PCDHGA8: variants seen among roughly 807,000 people sequenced by gnomAD.
The protein encoded by PCDHGA8 is protocadherin gamma-A8.
In PCDHGA8, 45 loss-of-function variants were observed where a neutral mutation model predicts 59.2. The ratio of observed to expected loss-of-function variants is 0.76; its 90% confidence interval spans 0.60 to 0.98. The LOEUF is 0.98. Among genes scored for constraint, PCDHGA8 ranks in the 50% least tolerant of loss-of-function variants. The pLI is 0.00. For synonymous variants in PCDHGA8, 531 were observed against 519.0 expected (o/e 1.02, Z -0.32); for missense variants, 1,257 against 1,196.2 (o/e 1.05, Z -0.75).
At chr5:141,401,838 T>C in intron 1 of PCDHGA8, among the ~76,000 whole-genome samples, 1 of 152,232 alleles carries the variant, frequency 6.6e-6, no homozygotes, top group East Asian at 1.9e-4. Context: ...TTTCTTATAA[T>C]ACCACTTACT....
chr5:141,485,687 C>T lies in PCDHGA8; in HGVS notation c.2425-9120C>T. 1 of 1,614,066 alleles carries T rather than the reference C, an allele frequency of 6.2e-7. No individual in the cohort carries two copies. Among genetic ancestry groups the T allele is most frequent in the Non-Finnish European group, 8.5e-7 (1 of 1,179,966 alleles). ...GAGCAATTCGATTAGCAGCTATAGG[C>T]TGAGCTCCAATGAACACTTTGCACT... On this transcript the variant is annotated intron_variant, in intron 1 of 3. Transcript: ENST00000398604. The surrounding 1 kb of genome is among the most constrained non-coding windows in gnomAD (Gnocchi z 5.7).
intron 1 of PCDHGA8, chr5:141,478,885 A>G (rs2099483148): frequency 8.4e-7 from 1 of 1,193,320 alleles, no homozygotes; most frequent in East Asian, 2.6e-5. Flanking sequence ...GCTTGGTATC[A>G]TTTACATTAG....
chr5:141,489,166 C>A lies in PCDHGA8; in HGVS notation c.2425-5641C>A. The A allele has an allele frequency of 9.1e-7, 1 of 1,099,536 alleles. No individual in the cohort carries two copies. The highest frequency in any genetic ancestry group is 1.3e-6 in the Non-Finnish European group (1 of 761,554). The allele number at this position is 1,099,536 out of a possible 1,614,324, so 68.1% of individuals were successfully genotyped here. ...AAGGAGACATAAGAGACTTCAGCTGCTGCATTCCAAGCCCTGGGTCTACCT... is the reference window on the plus strand; with the variant it reads ...AAGGAGACATAAGAGACTTCAGCTGATGCATTCCAAGCCCTGGGTCTACCT... On this transcript the variant is annotated intron_variant, in intron 1 of 3. Transcript: ENST00000398604. This position sits in a 1 kb window ranked among gnomAD's most constrained non-coding sequence, Gnocchi z 4.5.
rs2099884413 is a variant in PCDHGA8, at chr5:141,512,781, G to A, written c.*1608G>A. ...CCTTGATCTGCCCGCGGCGGCCCGT[G>A]TTGTGTTTTGTGCTGTGTCCACGCG... is the stretch of plus-strand genomic sequence containing the variant. On this transcript the variant is annotated 3_prime_UTR_variant, in exon 4 of 4. Transcript: ENST00000398604. 1 of 152,534 alleles carries A rather than the reference G, an allele frequency of 6.6e-6. No individual in the cohort carries two copies. Among genetic ancestry groups the A allele is most frequent in the African/African-American group, 2.4e-5 (1 of 41,444 alleles). 9.4% of individuals were successfully genotyped at this position (152,534 alleles called of 1,614,324 possible). A position where few individuals can be genotyped will look rare whatever the true frequency, so the allele number is the denominator to read the frequency against.
chr5:141,423,802 C>A, intron 1 of PCDHGA8: 3 of 1,254,704 alleles, frequency 2.4e-6, no homozygotes, highest in South Asian at 2.9e-5. Context: ...TAGAGCAATA[C>A]ATGTGAGTTT....
chr5:141,471,065 T>C (rs1355886133), intron 1 of PCDHGA8, among the ~76,000 whole-genome samples: 3 of 148,628 alleles, frequency 2.0e-5, no homozygotes, highest in Non-Finnish European at 3.0e-5. Context: ...TTTTTTTTTT[T>C]TGAGACAGGG....
chr5:141,403,390 G>C (rs1471861396), intron 1 of PCDHGA8: 2 of 1,613,920 alleles, frequency 1.2e-6, no homozygotes, highest in Admixed American at 1.7e-5. Flanking sequence ...ACGAAATCGC[G>C]GTTCCTGGAG....
At chr5:141,437,197 G>A (rs535640562) in intron 1 of PCDHGA8, among the ~76,000 whole-genome samples, 69 of 152,330 alleles carry the variant, frequency 4.5e-4, no homozygotes, top group Non-Finnish European at 7.8e-4. Flanking sequence ...GGGTTTGGAT[G>A]TGTTTACATT....
Position 141,491,730 on chromosome 5 carries a change from C to G in PCDHGA8, c.2425-3077C>G, listed in dbSNP as rs1346666614. 1 of 1,603,920 alleles carries G rather than the reference C, an allele frequency of 6.2e-7. No homozygotes were observed. Among genetic ancestry groups the G allele is most frequent in the Non-Finnish European group, 8.5e-7 (1 of 1,175,836 alleles). ...GGGGCTCGGCGCCGCCCCGGGCGAC[C>G]CCTGGGGGCGGCACTGGAGAAGCCG... On this transcript the variant is annotated intron_variant, in intron 1 of 3. Coordinates refer to ENST00000398604, the MANE Select transcript of PCDHGA8 (RefSeq NM_032088.2). The surrounding 1 kb of genome is among the most constrained non-coding windows in gnomAD (Gnocchi z 6.9).
At chr5:141,413,081 C>CAG in intron 1 of PCDHGA8, 1 of 1,339,426 alleles carries the variant, frequency 7.5e-7, no homozygotes, top group South Asian at 1.5e-5. Flanking sequence ...GCCCAGGCTA[C>CAG]AGAGACACCC....
Position 141,392,909 on chromosome 5 carries a change from C to T in PCDHGA8, c.96C>T (p.Arg32=). 1.2e-6 allele frequency: 2 copies of T among 1,613,876 alleles called. No individual in the cohort carries two copies. The highest frequency in any genetic ancestry group is 3.3e-5 in the Admixed American group (2 of 60,028). ...GGGAAATCGGGAGGGGACAGATTCG[C>T]TACTCTGTGCCAGAAGAGACGGACA... ...TLWEIGRGQI[R]YSVPEETDKG... Residue 32 remains arginine (R), a synonymous_variant, in exon 1 of 4, where the codon CGC becomes CGT. Transcript: ENST00000398604.
At chr5:141,412,779 C>A (rs966431850) in intron 1 of PCDHGA8, among the ~76,000 whole-genome samples, 6 of 152,168 alleles carry the variant, frequency 3.9e-5, no homozygotes, top group Non-Finnish European at 7.3e-5. Context: ...ACAATATTTT[C>A]ACTCCACTTT....
At chr5:141,399,679 T>C (rs757165628) in intron 1 of PCDHGA8, 4 of 1,613,560 alleles carry the variant, frequency 2.5e-6, no homozygotes, top group South Asian at 2.2e-5. Flanking sequence ...CGCCTTTGAC[T>C]ACGAGCAGCT....
intron 2 of PCDHGA8, among the ~76,000 whole-genome samples, chr5:141,502,866 C>CTTTTT (rs549047197): frequency 1.6e-5 from 2 of 128,044 alleles, no homozygotes; most frequent in Non-Finnish European, 1.6e-5. Flanking sequence ...GACTCTCTGT[C>CTTTTT]TTTTTTTTTT....
chr5:141,453,318 AG>A (rs1299190594), intron 1 of PCDHGA8, among the ~76,000 whole-genome samples: 2 of 151,458 alleles, frequency 1.3e-5, no homozygotes, highest in Non-Finnish European at 2.9e-5. Context: ...TTTATTTTAG[AG>A]ATGGGGTCTC....
intron 1 of PCDHGA8, chr5:141,403,578 A>G: frequency 6.2e-7 from 1 of 1,613,850 alleles, no homozygotes. Context: ...ACTGCCCACC[A>G]CCTGGTCCTC....
chr5:141,441,891 G>A, intron 1 of PCDHGA8: 1 of 348,040 alleles, frequency 2.9e-6, no homozygotes, highest in East Asian at 9.1e-5. Flanking sequence ...TCACCAAGGT[G>A]GTGGCTGTAG....
rs1004176028 is a variant in PCDHGA8 at position 141,477,025 on chromosome 5, G to A, written c.2425-17782G>A. On this transcript the variant is annotated intron_variant, in intron 1 of 3. Transcript: ENST00000398604. This position sits in a 1 kb window ranked among gnomAD's most constrained non-coding sequence, Gnocchi z 4.9. ...TCGCCTTAGACCTTGTAACCGGGATGCTGACAATCAAGGGTCGGCTGGACT... is the reference window on the plus strand; with the variant it reads ...TCGCCTTAGACCTTGTAACCGGGATACTGACAATCAAGGGTCGGCTGGACT... 10 of 1,614,146 alleles carry A rather than the reference G, an allele frequency of 6.2e-6. No homozygotes were observed. Among genetic ancestry groups the A allele is most frequent in the East Asian group, 2.2e-5 (1 of 44,888 alleles).
intron 1 of PCDHGA8, among the ~76,000 whole-genome samples, chr5:141,469,489 C>T (rs1013080566): frequency 4.6e-5 from 7 of 151,928 alleles, no homozygotes; most frequent in Middle Eastern, 3.4e-3. Context: ...GCAGGAGAAT[C>T]GCTTGAACCC....
Sources: allele counts gnomAD v4.1 joint callset (sites outside exome capture counted in the v4.1 genomes callset), GRCh38; gene constraint gnomAD v4.1.1; non-coding constraint Gnocchi (gnomAD v3.1); transcripts MANE v1.5; gene names NCBI Gene and HGNC (gene_info 2026-07-23, HGNC 2026-07-21).